DPT: variants seen among roughly 807,000 people sequenced by gnomAD.
DPT encodes tyrosine-rich acidic matrix protein.
In DPT, 21 loss-of-function variants were observed where a neutral mutation model predicts 31.2. That is an observed-to-expected ratio of 0.67 (90% CI 0.48 to 0.97). The LOEUF (loss-of-function observed/expected upper bound fraction) is 0.97, where lower values mean the gene tolerates loss of function less well. DPT is among the 50% of genes least tolerant of loss of function. The pLI is 0.00. For missense variants in DPT, 262 were observed against 258.8 expected, an observed-to-expected ratio of 1.01 and a Z score of -0.08; for synonymous variants, 91 against 86.9, an observed-to-expected ratio of 1.05 and a Z score of -0.26.
chr1:168,722,658 G>C (rs1650144765), intron 1 of DPT, among the ~76,000 whole-genome samples: 1 of 152,134 alleles, frequency 6.6e-6, no homozygotes, highest in Admixed American at 6.5e-5. Flanking sequence ...ACAAGTTAAT[G>C]TACATATATT....
intron 2 of DPT, among the ~76,000 whole-genome samples, chr1:168,704,691 CAG>C (rs915573980): frequency 3.9e-5 from 6 of 152,334 alleles, no homozygotes; most frequent in South Asian, 4.1e-4. Context: ...AGATGAAAGA[CAG>C]AGAGTTGTTC....
At chr1:168,726,944 C>A (rs1650258210) in intron 1 of DPT, among the ~76,000 whole-genome samples, 1 of 152,244 alleles carries the variant, frequency 6.6e-6, no homozygotes, top group African/African-American at 2.4e-5. Context: ...GCCCCGGCAC[C>A]CTCACCTGCT....
At chr1:168,728,575 C>T (rs189635641) in intron 1 of DPT, among the ~76,000 whole-genome samples, 34 of 152,248 alleles carry the variant, frequency 2.2e-4, no homozygotes, top group Admixed American at 2.2e-3. Flanking sequence ...GCAAGCTTCT[C>T]GCCGACCTAC....
chr1:168,701,601 AAT>A (rs1283252222), intron 2 of DPT, among the ~76,000 whole-genome samples: 1 of 152,186 alleles, frequency 6.6e-6, no homozygotes, highest in Non-Finnish European at 1.5e-5. Flanking sequence ...TTTTGTTTCA[AAT>A]ATATATGTGT....
At chr1:168,713,175 C>T (rs1156440492) in intron 2 of DPT, among the ~76,000 whole-genome samples, 1 of 152,164 alleles carries the variant, frequency 6.6e-6, no homozygotes, top group African/African-American at 2.4e-5. Flanking sequence ...TTTGCCAGGC[C>T]TGTTCACCCA....
chr1:168,719,144 A>G (rs1650045660), intron 1 of DPT, among the ~76,000 whole-genome samples: 1 of 152,182 alleles, frequency 6.6e-6, no homozygotes, highest in Non-Finnish European at 1.5e-5. Context: ...ATTGACTTTT[A>G]AGAGCTCATC....
intron 1 of DPT, among the ~76,000 whole-genome samples, chr1:168,726,150 A>G (rs1333067277): frequency 6.6e-6 from 1 of 152,212 alleles, no homozygotes. Context: ...AGAAGGAGGC[A>G]ACAGAGGGTG....
chr1:168,701,474 T>C (rs1057459973), intron 2 of DPT, among the ~76,000 whole-genome samples: 1 of 152,224 alleles, frequency 6.6e-6, no homozygotes, highest in Non-Finnish European at 1.5e-5. Flanking sequence ...TTTTAGATTA[T>C]GATTCATTAG....
At chr1:168,718,623 A>C (rs1355275017) in intron 1 of DPT, among the ~76,000 whole-genome samples, 1 of 152,102 alleles carries the variant, frequency 6.6e-6, no homozygotes, top group Non-Finnish European at 1.5e-5. Flanking sequence ...AGTGGCCAAG[A>C]GCATTGGCTA....
chr1:168,725,448 C>T (rs116957068), intron 1 of DPT, among the ~76,000 whole-genome samples: 11 of 152,196 alleles, frequency 7.2e-5, no homozygotes, highest in East Asian at 5.8e-4. Flanking sequence ...GGGCTCCTTC[C>T]GCTACACAGT....
chr1:168,711,707 G>A (rs1211765375), intron 2 of DPT, among the ~76,000 whole-genome samples: 2 of 152,226 alleles, frequency 1.3e-5, no homozygotes, highest in Non-Finnish European at 2.9e-5. Context: ...CTGTTAGTTG[G>A]TGAGGAGGCT....
chr1:168,720,200 G>T (rs1572631973), intron 1 of DPT, among the ~76,000 whole-genome samples: 2 of 152,096 alleles, frequency 1.3e-5, no homozygotes, highest in Admixed American at 6.5e-5. Context: ...TCTCGGCCAA[G>T]AGAGTAACTG....
At chr1:168,704,791 T>G (rs1367946403) in intron 2 of DPT, among the ~76,000 whole-genome samples, 1 of 152,192 alleles carries the variant, frequency 6.6e-6, no homozygotes, top group Non-Finnish European at 1.5e-5. Flanking sequence ...TAATAATATT[T>G]TACTTATGAG....
chr1:168,702,076 C>A (rs1306010432), intron 2 of DPT, among the ~76,000 whole-genome samples: 1 of 152,216 alleles, frequency 6.6e-6, no homozygotes, highest in African/African-American at 2.4e-5. Context: ...CTCATAAGGG[C>A]TTTGCCACTG....
chr1:168,710,706 T>C (rs943004442), intron 2 of DPT, among the ~76,000 whole-genome samples: 2 of 152,132 alleles, frequency 1.3e-5, no homozygotes, highest in Non-Finnish European at 2.9e-5. Flanking sequence ...AGAGGAACGA[T>C]ACCTAGCATT....
intron 1 of DPT, among the ~76,000 whole-genome samples, chr1:168,725,902 T>C (rs1572634183): frequency 6.6e-6 from 1 of 152,226 alleles, no homozygotes; most frequent in South Asian, 2.1e-4. Flanking sequence ...CATCAACAAC[T>C]GTTCCCTGAG....
chr1:168,712,024 TTA>T (rs1649877882), intron 2 of DPT, among the ~76,000 whole-genome samples: 1 of 152,100 alleles, frequency 6.6e-6, no homozygotes, highest in Middle Eastern at 3.2e-3. Flanking sequence ...CCACTTCACA[TTA>T]TATACACCCT....
At position 168,728,972 on chromosome 1, in the gene DPT, C is replaced by G; in HGVS notation, c.203G>C (p.Gly68Ala). The stretch of plus-strand genomic sequence containing the variant: ...GGCGTAGTTCCATTGTCTGTCAGAA[C>G]CTTCCTTCTTGCTGAAGATGCTCCT... ...AVRSIFSKKE[G>A]SDRQWNYACM... Residue 68 changes from glycine (G) to alanine (A), a missense_variant, in exon 1 of 4, where the codon GGT becomes GCT. Transcript: ENST00000367817. 6.2e-7 allele frequency: 1 copy of G among 1,614,226 alleles called. No homozygotes were observed.
chr1:168,700,093 T>C (rs1649559675), intron 3 of DPT, among the ~76,000 whole-genome samples: 1 of 152,208 alleles, frequency 6.6e-6, no homozygotes, highest in South Asian at 2.1e-4. Flanking sequence ...GGTCTGAATG[T>C]TGGTGTCCCC....
Sources: gnomAD v4.1 joint callset for allele counts (sites outside exome capture counted in the v4.1 genomes callset) on GRCh38, gnomAD v4.1.1 for gene constraint, MANE v1.5 for transcripts, NCBI Gene and HGNC (gene_info 2026-07-23, HGNC 2026-07-21) for gene names.